Variants in ADCY2 observed in about 807,000 individuals in gnomAD.
The protein encoded by ADCY2 is adenylate cyclase type 2.
In ADCY2, 31 loss-of-function variants were observed where a neutral mutation model predicts 125.2. That is an observed-to-expected ratio of 0.25 (90% CI 0.19 to 0.33). The LOEUF (loss-of-function observed/expected upper bound fraction) is 0.33. ADCY2 is among the 10% of genes least tolerant of loss of function. The probability of loss-of-function intolerance (pLI) is 1.00; values close to 1 mark genes in which losing one functional copy is unlikely to be tolerated. For missense variants in ADCY2, 904 were observed against 1,418.2 expected, an observed-to-expected ratio of 0.64 and a Z score of 5.82; for synonymous variants, 512 against 548.4, an observed-to-expected ratio of 0.93 and a Z score of 0.93.
intron 3 of ADCY2, among the ~76,000 whole-genome samples, chr5:7,542,736 C>G (rs756426865): frequency 2.0e-5 from 3 of 152,190 alleles, no homozygotes; most frequent in Non-Finnish European, 4.4e-5. Context: ...TCAAGGGTAG[C>G]CATTTTTACT....
chr5:7,615,858 T>C (rs907912264), intron 3 of ADCY2, among the ~76,000 whole-genome samples: 4 of 152,186 alleles, frequency 2.6e-5, no homozygotes, highest in African/African-American at 9.7e-5. Flanking sequence ...ATGGGATATG[T>C]AGGTGGCAGT....
intron 4 of ADCY2, among the ~76,000 whole-genome samples, chr5:7,629,953 C>A (rs1487517771): frequency 6.6e-6 from 1 of 152,128 alleles, no homozygotes; most frequent in Non-Finnish European, 1.5e-5. Context: ...GGAGAATAAA[C>A]CCTCTTTAAT....
At chr5:7,728,319 G>A (rs1741994637) in intron 14 of ADCY2, among the ~76,000 whole-genome samples, 1 of 152,062 alleles carries the variant, frequency 6.6e-6, no homozygotes, top group South Asian at 2.1e-4. Flanking sequence ...ACCACTTTTG[G>A]GATACAAGTG....
At chr5:7,634,836 A>G (rs1466052106) in intron 4 of ADCY2, among the ~76,000 whole-genome samples, 1 of 152,124 alleles carries the variant, frequency 6.6e-6, no homozygotes, top group African/African-American at 2.4e-5. Flanking sequence ...AACTTATCAA[A>G]TCCATAATTT....
intron 19 of ADCY2, 98 bp from the exon 20 acceptor site, chr5:7,789,544 G>T: frequency 1.6e-6 from 2 of 1,261,656 alleles, no homozygotes; most frequent in Admixed American, 4.6e-5. Flanking sequence ...TTCTTTTTTC[G>T]GTTTCATTTT....
chr5:7,700,128 A>T (rs898439221), intron 7 of ADCY2, among the ~76,000 whole-genome samples: 2 of 152,224 alleles, frequency 1.3e-5, no homozygotes, highest in Non-Finnish European at 2.9e-5. Flanking sequence ...AAAAACCAAT[A>T]CAAAAATATT....
chr5:7,658,435 A>G (rs112678440), intron 4 of ADCY2, among the ~76,000 whole-genome samples: 52,603 of 130,426 alleles, frequency 0.4, 10,243 homozygotes, highest in Non-Finnish European at 0.44. Context: ...GTGTGTGTAT[A>G]TATATATATA....
chr5:7,639,738 G>T (rs560888583), intron 4 of ADCY2, among the ~76,000 whole-genome samples: 1 of 152,176 alleles, frequency 6.6e-6, no homozygotes, highest in South Asian at 2.1e-4. Context: ...TTATATCATC[G>T]TTCACAAAAG....
At chr5:7,758,071 G>A (rs1743074589) in intron 16 of ADCY2, among the ~76,000 whole-genome samples, 1 of 152,162 alleles carries the variant, frequency 6.6e-6, no homozygotes, top group Admixed American at 6.5e-5. Flanking sequence ...TGATGCGATT[G>A]CAACCCCTTG....
intron 6 of ADCY2, 146 bp downstream of exon 6, chr5:7,696,009 G>A (rs1740880583): frequency 1.8e-6 from 1 of 548,226 alleles, no homozygotes; most frequent in African/African-American, 2.0e-5. Context: ...CTTTGCTATT[G>A]ATCTTTCATA....
chr5:7,535,728 A>G (rs1734792528), intron 3 of ADCY2, among the ~76,000 whole-genome samples: 1 of 152,232 alleles, frequency 6.6e-6, no homozygotes, highest in African/African-American at 2.4e-5. Flanking sequence ...AGGTGATTGA[A>G]ACAATAAGAA....
At position 7,828,589 on chromosome 5, in the gene ADCY2, G is replaced by A. The variant is rs1745557552; in HGVS notation, c.*1718G>A. The A allele has an allele frequency of 6.6e-6, 1 of 152,310 alleles. No homozygotes were observed. Among genetic ancestry groups the A allele is most frequent in the Admixed American group, 6.5e-5 (1 of 15,284 alleles). 9.4% of individuals were successfully genotyped at this position (152,310 alleles called of 1,614,324 possible). A position where few individuals can be genotyped will look rare whatever the true frequency, so the allele number is the denominator to read the frequency against. On this transcript the variant is annotated 3_prime_UTR_variant, in exon 25 of 25. Coordinates refer to ENST00000338316, the MANE Select transcript of ADCY2 (RefSeq NM_020546.3). ...CATCACCGAAGTGTGAGTAGAGCAT[G>A]ACTTATTTAGTATTCTGCCTCAATG...
chr5:7,747,045 A>G (rs537817018), intron 15 of ADCY2, among the ~76,000 whole-genome samples: 32 of 152,330 alleles, frequency 2.1e-4, no homozygotes, highest in African/African-American at 5.1e-4. Context: ...GTTCAGTGAC[A>G]TGTTCTCAAA....
chr5:7,726,694 C>T (rs555760945), intron 13 of ADCY2, among the ~76,000 whole-genome samples: 1 of 152,124 alleles, frequency 6.6e-6, no homozygotes, highest in Non-Finnish European at 1.5e-5. Context: ...CTCTCAATAG[C>T]ATTAAGACAA....
chr5:7,821,575 G>A (rs932988972), intron 24 of ADCY2, among the ~76,000 whole-genome samples: 6 of 152,206 alleles, frequency 3.9e-5, no homozygotes, highest in African/African-American at 1.4e-4. Context: ...GCTACAGCAT[G>A]AGCAAGTCAA....
At chr5:7,823,905 G>A (rs903363652) in intron 24 of ADCY2, among the ~76,000 whole-genome samples, 2 of 152,064 alleles carry the variant, frequency 1.3e-5, no homozygotes, top group African/African-American at 2.4e-5. Context: ...AGGGCAGGTC[G>A]GCCACCTACA....
chr5:7,739,627 T>C (rs1054157149), intron 14 of ADCY2, among the ~76,000 whole-genome samples: 1 of 150,556 alleles, frequency 6.6e-6, no homozygotes, highest in Non-Finnish European at 1.5e-5. Flanking sequence ...AAAATATGGC[T>C]CTTTGAAAAA....
chr5:7,727,187 G>C lies in ADCY2; in HGVS notation c.1797G>C (p.Ala599=). 1 of 1,614,086 alleles carries C rather than the reference G, an allele frequency of 6.2e-7. No homozygotes were observed. Among genetic ancestry groups the C allele is most frequent in the Non-Finnish European group, 8.5e-7 (1 of 1,179,968 alleles). Residue 599 remains alanine, a synonymous_variant, in exon 14 of 25, where the codon GCG becomes GCC. Coordinates refer to ENST00000338316, the MANE Select transcript of ADCY2 (RefSeq NM_020546.3). ...EKEYRATALP[A]FKYYVTCACL... ...AGTACCGGGCCACGGCACTGCCAGCGTTCAAGTATTATGTGACTTGTGCCT... is the reference window on the plus strand; with the variant it reads ...AGTACCGGGCCACGGCACTGCCAGCCTTCAAGTATTATGTGACTTGTGCCT...
At chr5:7,724,675 G>A in intron 13 of ADCY2, 61 bp downstream of exon 13, 1 of 1,242,542 alleles carries the variant, frequency 8.0e-7, no homozygotes. Context: ...ATTTCTTCAT[G>A]AAATTGTGCT....
Sources: allele counts gnomAD v4.1 joint callset (sites outside exome capture counted in the v4.1 genomes callset), GRCh38; gene constraint gnomAD v4.1.1; transcripts MANE v1.5; gene names NCBI Gene and HGNC (gene_info 2026-07-23, HGNC 2026-07-21).